The following AP2B1 variants were observed in gnomAD, a reference collection of about 807,000 sequenced individuals.
AP2B1 encodes AP-2 complex subunit beta.
A neutral mutation model predicts 102.0 loss-of-function variants in AP2B1; 23 were observed. The ratio of observed to expected loss-of-function variants is 0.23; its 90% CI spans 0.16 to 0.32. The LOEUF (loss-of-function observed/expected upper bound fraction) is 0.32. Ranked by LOEUF, AP2B1 falls within the 10% of genes least tolerant of loss-of-function variation. The pLI is 1.00. For missense variants in AP2B1, 541 were observed against 1,157.4 expected (o/e 0.47, Z 7.73); for synonymous variants, 381 against 421.2 (o/e 0.90, Z 1.17).
intron 9 of AP2B1, among the ~76,000 whole-genome samples, chr17:35,628,438 C>T (rs1403253564): frequency 6.6e-6 from 1 of 152,144 alleles, no homozygotes; most frequent in African/African-American, 2.4e-5. Context: ...TCTGTTTCTA[C>T]AAAAACTTTT....
chr17:35,676,044 CCTT>C (rs1173422672), intron 17 of AP2B1, among the ~76,000 whole-genome samples: 4 of 152,132 alleles, frequency 2.6e-5, no homozygotes, highest in Admixed American at 2.6e-4. Context: ...ATCTCCTCCT[CCTT>C]CTCTGTTTTG....
At chr17:35,696,865 A>G (rs1287253402) in intron 18 of AP2B1, among the ~76,000 whole-genome samples, 2 of 152,056 alleles carry the variant, frequency 1.3e-5, no homozygotes, top group Non-Finnish European at 2.9e-5. Context: ...GTTTTTGTCT[A>G]TGTTTTTCCC....
intron 13 of AP2B1, among the ~76,000 whole-genome samples, chr17:35,656,671 G>A (rs1396079393): frequency 6.6e-5 from 10 of 152,076 alleles, no homozygotes; most frequent in African/African-American, 1.4e-4. Context: ...TAAGGTGGGC[G>A]GATCACAAGG....
At chr17:35,671,691 A>G in intron 15 of AP2B1, 63 bp from the exon 16 acceptor site, 2 of 1,531,766 alleles carry the variant, frequency 1.3e-6, no homozygotes, top group Non-Finnish European at 1.8e-6. Context: ...ATATAGCAAT[A>G]TTTTAAGGAC....
At chr17:35,711,763 A>G (rs1245894230) in intron 20 of AP2B1, among the ~76,000 whole-genome samples, 3 of 152,090 alleles carry the variant, frequency 2.0e-5, no homozygotes, top group African/African-American at 7.2e-5. Context: ...GAGCCACTGC[A>G]CCCAGCCCAG....
chr17:35,626,574 C>T (rs2074321770), intron 6 of AP2B1, 47 bp from the exon 7 acceptor site: 2 of 1,434,474 alleles, frequency 1.4e-6, no homozygotes, highest in South Asian at 1.2e-5. Flanking sequence ...ATGAATTCAG[C>T]AAATAAATTA....
intron 5 of AP2B1, among the ~76,000 whole-genome samples, chr17:35,619,228 A>G (rs1402265655): frequency 6.6e-6 from 1 of 152,226 alleles, no homozygotes; most frequent in Non-Finnish European, 1.5e-5. Context: ...GCTACTTCAG[A>G]GTTGTTATGA....
chr17:35,712,988 A>G (rs185351850), intron 20 of AP2B1, among the ~76,000 whole-genome samples: 1 of 152,344 alleles, frequency 6.6e-6, no homozygotes, highest in Admixed American at 6.5e-5. Context: ...TTGTTCAAAA[A>G]AGAAAATAGA....
At chr17:35,690,342 C>CT (rs1252981783) in intron 18 of AP2B1, among the ~76,000 whole-genome samples, 3 of 152,172 alleles carry the variant, frequency 2.0e-5, no homozygotes, top group African/African-American at 4.8e-5. Context: ...CCAAAGTTAT[C>CT]TTTAAGTCTC....
chr17:35,632,496 A>T (rs2074490755), intron 9 of AP2B1, among the ~76,000 whole-genome samples: 1 of 152,146 alleles, frequency 6.6e-6, no homozygotes, highest in Non-Finnish European at 1.5e-5. Context: ...GAAAGATATG[A>T]GTAGAGTGGA....
At chr17:35,655,755 A>G (rs1018806616) in intron 13 of AP2B1, among the ~76,000 whole-genome samples, 8 of 152,202 alleles carry the variant, frequency 5.3e-5, no homozygotes, top group African/African-American at 1.9e-4. Flanking sequence ...TACTCTTTCT[A>G]GCACTGTATG....
rs71152739 is a variant in AP2B1 at position 35,616,142 on chromosome 17, C to CTTTTTT, written c.525+7789_525+7794dup. Among the ~76,000 whole-genome samples, 20 of 57,436 alleles carry CTTTTTT rather than the reference C, an allele frequency of 3.5e-4. 6 individuals are homozygous for CTTTTTT. The highest frequency in any genetic ancestry group is 1.6e-3 in the South Asian group (2 of 1,238). 37.7% of individuals were successfully genotyped at this position (57,436 alleles called of 152,430 possible). Reference sequence around the variant, plus strand: ...TGAACTTAGGTTTTAAAAAATATCTCTTTTTTTTTTTTTTTTTTTTTTTTT... The same window carrying CTTTTTT: ...TGAACTTAGGTTTTAAAAAATATCTCTTTTTTTTTTTTTTTTTTTTTTTTTTTTTTT... On this transcript the variant is annotated intron_variant, in intron 5 of 21. Transcript: ENST00000610402.
At chr17:35,702,239 T>G (rs897996608) in intron 18 of AP2B1, among the ~76,000 whole-genome samples, 2 of 151,470 alleles carry the variant, frequency 1.3e-5, no homozygotes, top group Admixed American at 1.3e-4. Context: ...TAAACTGGAG[T>G]TGGAGGTTGG....
intron 1 of AP2B1, among the ~76,000 whole-genome samples, chr17:35,591,031 G>A (rs1371265161): frequency 2.0e-5 from 3 of 151,940 alleles, no homozygotes; most frequent in Non-Finnish European, 1.5e-5. Context: ...AAAATTAGCT[G>A]GGCGTGGTAG....
intron 21 of AP2B1, among the ~76,000 whole-genome samples, chr17:35,721,131 TTC>T (rs1555593005): frequency 1.3e-5 from 2 of 152,150 alleles, no homozygotes. Context: ...AATAAAACAC[TTC>T]TCCCCAAACC....
At chr17:35,681,628 CATT>C (rs1450604269) in intron 17 of AP2B1, among the ~76,000 whole-genome samples, 1 of 152,032 alleles carries the variant, frequency 6.6e-6, no homozygotes, top group African/African-American at 2.4e-5. Context: ...GACACGGTCT[CATT>C]ATATTAAGTG....
intron 18 of AP2B1, among the ~76,000 whole-genome samples, chr17:35,696,410 G>A (rs1267402584): frequency 7.6e-6 from 1 of 131,488 alleles, no homozygotes; most frequent in African/African-American, 2.8e-5. Flanking sequence ...GAAGGAATAA[G>A]TTCTTTTTTT....
chr17:35,608,056 G>T, intron 4 of AP2B1, 86 bp from the exon 5 acceptor site: 2 of 1,495,372 alleles, frequency 1.3e-6, no homozygotes, highest in Non-Finnish European at 1.8e-6. Flanking sequence ...AATTAATGAG[G>T]TAATTCTTTT....
rs114192970 is a variant in AP2B1 at position 35,655,889 on chromosome 17, G to T, written c.1797-1710G>T. 5.4e-3 allele frequency among the ~76,000 whole-genome samples: 818 copies of T among 152,304 alleles called. 8 individuals are homozygous for T. The highest frequency in any genetic ancestry group is 0.018 in the African/African-American group (738 of 41,572). Reference sequence around the variant, plus strand: ...AATTTGCATTTTCCTGATGAGTAAAGTTGCTAAGCACATTTTCATGTTACT... The same window carrying T: ...AATTTGCATTTTCCTGATGAGTAAATTTGCTAAGCACATTTTCATGTTACT... On this transcript the variant is annotated intron_variant, in intron 13 of 21. Transcript: ENST00000610402.
Sources: allele counts gnomAD v4.1 joint callset (sites outside exome capture counted in the v4.1 genomes callset), GRCh38; gene constraint gnomAD v4.1.1; transcripts MANE v1.5; gene names NCBI Gene and HGNC (gene_info 2026-07-23, HGNC 2026-07-21).